Variants in FAM110D observed in about 807,000 individuals in gnomAD.
FAM110D encodes family with sequence similarity 110 member D.
For missense variants in FAM110D, 376 were observed against 395.6 expected (o/e 0.95, Z 0.42); for synonymous variants, 174 against 189.4 (o/e 0.92, Z 0.67).
In FAM110D at chr1:26,161,543, C is replaced by T; in HGVS notation, c.252C>T (p.Leu84=). 6.4e-7 allele frequency: 1 copy of T among 1,550,500 alleles called. No homozygotes were observed. Among genetic ancestry groups the T allele is most frequent in the South Asian group, 1.2e-5 (1 of 84,112 alleles). The part of the protein sequence containing the change: ...SGRRLPRPDS[L]IFYRQKRDCK... ...GGCGGCTGCCGAGGCCTGATTCCCTCATCTTCTACCGCCAGAAGCGGGACT... is the reference window on the plus strand; with the variant it reads ...GGCGGCTGCCGAGGCCTGATTCCCTTATCTTCTACCGCCAGAAGCGGGACT... The change falls in exon 2 of 2, where the codon CTC becomes CTT. Residue 84 remains leucine (L), a synonymous_variant. Transcript: ENST00000374268. This position sits in a 1 kb window ranked among gnomAD's most constrained non-coding sequence, Gnocchi z 5.4.
Position 26,161,100 on chromosome 1 carries a change from CG to C in FAM110D, c.-80-110del. 3.5e-6 allele frequency: 2 copies of C among 574,506 alleles called. No individual in the cohort carries two copies. Among genetic ancestry groups the C allele is most frequent in the Non-Finnish European group, 3.0e-6 (1 of 333,394 alleles). The allele number at this position is 574,506 out of a possible 1,614,324, so 35.6% of individuals were successfully genotyped here. A position where few individuals can be genotyped will look rare whatever the true frequency, so the allele number is the denominator to read the frequency against. ...AGCCTCTGCTCCCTGGATGTGGCAC[CG>C]GCTAACCTGGATGGGAGAGGGTGGC... On this transcript the variant is annotated intron_variant, in intron 1 of 1. Transcript: ENST00000374268. This position sits in a 1 kb window ranked among gnomAD's most constrained non-coding sequence, Gnocchi z 5.4.
At position 26,161,675 on chromosome 1, in the gene FAM110D, G is replaced by A. The variant is rs761961372; in HGVS notation, c.384G>A (p.Glu128=). The A allele has an allele frequency of 1.9e-6, 3 of 1,551,854 alleles. No individual in the cohort carries two copies. The highest frequency in any genetic ancestry group is 2.4e-5 in the South Asian group (2 of 84,168). Residue 128 remains glutamate, a synonymous_variant, in exon 2 of 2, where the codon GAG becomes GAA. Transcript: ENST00000374268. This position sits in a 1 kb window ranked among gnomAD's most constrained non-coding sequence, Gnocchi z 5.4. ...CCCCGAGCAGCCCGGCCTCCACAGAGCGACCTGCGGCTTCAGGGGGTTGGG... is the reference window on the plus strand; with the variant it reads ...CCCCGAGCAGCCCGGCCTCCACAGAACGACCTGCGGCTTCAGGGGGTTGGG... ...DAAPSSPAST[E]RPAASGGWAA...
rs2088362313 is a variant in FAM110D at position 26,161,125 on chromosome 1, G to T, written c.-80-87G>T. 1.5e-6 allele frequency: 1 copy of T among 664,912 alleles called. No homozygotes were observed. The allele number at this position is 664,912 out of a possible 1,614,324, so 41.2% of individuals were successfully genotyped here. A position where few individuals can be genotyped will look rare whatever the true frequency, so the allele number is the denominator to read the frequency against. On this transcript the variant is annotated intron_variant, in intron 1 of 1. Coordinates refer to ENST00000374268, the MANE Select transcript of FAM110D (RefSeq NM_024869.3). The surrounding 1 kb of genome is among the most constrained non-coding windows in gnomAD (Gnocchi z 5.4). ...CGGCTAACCTGGATGGGAGAGGGTGGCTGACTGATCCTATACTGAGGAATG... is the reference window on the plus strand; with the variant it reads ...CGGCTAACCTGGATGGGAGAGGGTGTCTGACTGATCCTATACTGAGGAATG...
In FAM110D at chr1:26,162,337, G is replaced by A. The variant is rs138228058; in HGVS notation, c.*230G>A. On this transcript the variant is annotated 3_prime_UTR_variant, in exon 2 of 2. Coordinates refer to ENST00000374268, the MANE Select transcript of FAM110D (RefSeq NM_024869.3). The surrounding 1 kb of genome is among the most constrained non-coding windows in gnomAD (Gnocchi z 5.3). ...GTGGAGACCCGGTCTGGGGAGTCAC[G>A]ATTGGGGTGGGAGATGAGCAAACCT... 8.2e-6 allele frequency: 3 copies of A among 366,342 alleles called. No individual in the cohort carries two copies. The highest frequency in any genetic ancestry group is 1.5e-5 in the Non-Finnish European group (3 of 196,494). The allele number at this position is 366,342 out of a possible 1,614,324, so 22.7% of individuals were successfully genotyped here.
chr1:26,160,989 G>A (rs552259783), intron 1 of FAM110D, among the ~76,000 whole-genome samples: 1 of 152,344 alleles, frequency 6.6e-6, no homozygotes, highest in South Asian at 2.1e-4. Context: ...GGCCAGATTG[G>A]GGCACCTTCA....
In FAM110D at chr1:26,162,584, A is replaced by C. The variant is rs1366832889; in HGVS notation, c.*477A>C. 1 of 167,712 alleles carries C rather than the reference A, an allele frequency of 6.0e-6. No individual in the cohort carries two copies. The highest frequency in any genetic ancestry group is 2.4e-5 in the African/African-American group (1 of 41,514). 10.4% of individuals were successfully genotyped at this position (167,712 alleles called of 1,614,324 possible). A position where few individuals can be genotyped will look rare whatever the true frequency, so the allele number is the denominator to read the frequency against. ...TTGTAATGCGCATGGCAAAGTGCCC[A>C]GCATATAGAAAGTGCTCAATAAACG... On this transcript the variant is annotated 3_prime_UTR_variant, in exon 2 of 2. Transcript: ENST00000374268. The surrounding 1 kb of genome is among the most constrained non-coding windows in gnomAD (Gnocchi z 5.3).
chr1:26,160,599 AAAC>A (rs2088356689), intron 1 of FAM110D, among the ~76,000 whole-genome samples: 1 of 152,270 alleles, frequency 6.6e-6, no homozygotes, highest in Non-Finnish European at 1.5e-5. Context: ...TGCAAAGGTT[AAAC>A]AAGGTGATGT....
intron 1 of FAM110D, among the ~76,000 whole-genome samples, chr1:26,160,082 T>C (rs1444242115): frequency 2.5e-5 from 3 of 121,430 alleles, no homozygotes; most frequent in Admixed American, 1.6e-4. Flanking sequence ...TATCAGTGAG[T>C]TCTTTTTTTT....
At position 26,161,639 on chromosome 1, in the gene FAM110D, G is replaced by T; in HGVS notation, c.348G>T (p.Pro116=). 1 of 1,551,866 alleles carries T rather than the reference G, an allele frequency of 6.4e-7. No homozygotes were observed. Among genetic ancestry groups the T allele is most frequent in the Non-Finnish European group, 8.7e-7 (1 of 1,147,952 alleles). The change falls in exon 2 of 2, where the codon CCG becomes CCT. Residue 116 remains proline, a synonymous_variant. Coordinates refer to ENST00000374268, the MANE Select transcript of FAM110D (RefSeq NM_024869.3). This position sits in a 1 kb window ranked among gnomAD's most constrained non-coding sequence, Gnocchi z 5.4. ...GLVRRLFLGA[P]RDAAPSSPAS... ...TGCGGCGCCTCTTTCTGGGTGCCCC[G>T]CGGGACGCTGCCCCGAGCAGCCCGG...
At chr1:26,160,390 G>A (rs998762030) in intron 1 of FAM110D, among the ~76,000 whole-genome samples, 2 of 152,130 alleles carry the variant, frequency 1.3e-5, no homozygotes, top group East Asian at 1.9e-4. Context: ...CATCGCGCCT[G>A]GCCTCAGTGG....
rs927578759 is a variant in FAM110D at position 26,163,254 on chromosome 1, C to T, written c.*1147C>T. On this transcript the variant is annotated 3_prime_UTR_variant, in exon 2 of 2. Transcript: ENST00000374268. ...TTCGCCTATTTTCATCACAGGTTCGCACCTCCAAGCCTGCATCCTTCATGC... is the reference window on the plus strand; with the variant it reads ...TTCGCCTATTTTCATCACAGGTTCGTACCTCCAAGCCTGCATCCTTCATGC... The T allele has an allele frequency of 1.3e-5, 2 of 152,252 alleles. No individual in the cohort carries two copies. The highest frequency in any genetic ancestry group is 4.8e-5 in the African/African-American group (2 of 41,444). The allele number at this position is 152,252 out of a possible 1,614,324, so 9.4% of individuals were successfully genotyped here.
chr1:26,163,323 C>A lies in FAM110D; in HGVS notation c.*1216C>A, dbSNP rs1433143828. 3 of 127,856 alleles carry A rather than the reference C, an allele frequency of 2.3e-5. No homozygotes were observed. Among genetic ancestry groups the A allele is most frequent in the Non-Finnish European group, 5.0e-5 (3 of 60,268 alleles). 7.9% of individuals were successfully genotyped at this position (127,856 alleles called of 1,614,324 possible). On this transcript the variant is annotated 3_prime_UTR_variant, in exon 2 of 2. Coordinates refer to ENST00000374268, the MANE Select transcript of FAM110D (RefSeq NM_024869.3). ...GGTTGCCGTTCCTTTTCTCTCTGCT[C>A]TTCCTTCTCTTTTTTTTTTTTTTTT...
intron 1 of FAM110D, among the ~76,000 whole-genome samples, chr1:26,160,702 C>T (rs1362635980): frequency 1.3e-5 from 2 of 152,232 alleles, no homozygotes; most frequent in Non-Finnish European, 2.9e-5. Context: ...CTCTCCTGCC[C>T]CGATGGCCCT....
rs143891857 is a variant in FAM110D at position 26,162,686 on chromosome 1, G to C, written c.*579G>C. On this transcript the variant is annotated 3_prime_UTR_variant, in exon 2 of 2. Coordinates refer to ENST00000374268, the MANE Select transcript of FAM110D (RefSeq NM_024869.3). The surrounding 1 kb of genome is among the most constrained non-coding windows in gnomAD (Gnocchi z 5.3). Reference sequence around the variant, plus strand: ...CTGGCCTCCAGGTCGATCCAAACTAGAGCTGGGAGCTGGGAATAATGCGCT... The same window carrying C: ...CTGGCCTCCAGGTCGATCCAAACTACAGCTGGGAGCTGGGAATAATGCGCT... 1.3e-5 allele frequency: 2 copies of C among 153,394 alleles called. No individual in the cohort carries two copies. Among genetic ancestry groups the C allele is most frequent in the African/African-American group, 2.4e-5 (1 of 41,454 alleles). 9.5% of individuals were successfully genotyped at this position (153,394 alleles called of 1,614,324 possible).
intron 1 of FAM110D, among the ~76,000 whole-genome samples, chr1:26,159,951 T>C (rs1218692286): frequency 6.6e-6 from 1 of 152,056 alleles, no homozygotes; most frequent in Non-Finnish European, 1.5e-5. Flanking sequence ...TGGGGGCAAA[T>C]TTCTGGGAGT....
In FAM110D at chr1:26,161,478, T is replaced by TCGCCCAGGA. The variant is rs773394559; in HGVS notation, c.196_204dup (p.Thr66_Arg68dup). On this transcript the variant is annotated inframe_insertion, in exon 2 of 2. Transcript: ENST00000374268. The surrounding 1 kb of genome is among the most constrained non-coding windows in gnomAD (Gnocchi z 5.4). ...CTGCAACGAGCTGGGGCCCCCTGCATCGCCCAGGACGCCCAGGCCGGTCCG... is the reference window on the plus strand; with the variant it reads ...CTGCAACGAGCTGGGGCCCCCTGCATCGCCCAGGACGCCCAGGACGCCCAGGCCGGTCCG... 8.3e-6 allele frequency: 13 copies of TCGCCCAGGA among 1,557,656 alleles called. No individual in the cohort carries two copies. In the Admixed American group the frequency reaches 1.9e-4, roughly 23 times the overall value.
chr1:26,159,651 C>A (rs1296580514), intron 1 of FAM110D, among the ~76,000 whole-genome samples: 1 of 150,752 alleles, frequency 6.6e-6, no homozygotes, highest in Non-Finnish European at 1.5e-5. Context: ...GTGGGCTGGA[C>A]CTGGCAGGGT....
In FAM110D at chr1:26,161,392, T is replaced by A; in HGVS notation, c.101T>A (p.Val34Glu). The change falls in exon 2 of 2, where the codon GTG becomes GAG. Residue 34 changes from valine to glutamate, a missense_variant. By Grantham distance (121) the Val-to-Glu change is moderately radical. Transcript: ENST00000374268. The surrounding 1 kb of genome is among the most constrained non-coding windows in gnomAD (Gnocchi z 5.4). ...GCCAAGTATGTCAAGACGCACCAGG[T>A]GATAGCTAGGCGACAGGAGCCAGCC... ...DKAKYVKTHQ[V>E]IARRQEPALR... The A allele has an allele frequency of 1.9e-6, 3 of 1,598,480 alleles. No homozygotes were observed. Among genetic ancestry groups the A allele is most frequent in the Non-Finnish European group, 1.7e-6 (2 of 1,172,946 alleles).
chr1:26,161,165 C>A lies in FAM110D; in HGVS notation c.-80-47C>A. The A allele has an allele frequency of 1.0e-6, 1 of 955,828 alleles. No individual in the cohort carries two copies. Among genetic ancestry groups the A allele is most frequent in the Non-Finnish European group, 1.5e-6 (1 of 651,076 alleles). The allele number at this position is 955,828 out of a possible 1,614,324, so 59.2% of individuals were successfully genotyped here. ...ACTGAGGAATGCCGGCAGGAGAGGACCAGGGGCATTTCCTACCCTTCCCCT... is the reference window on the plus strand; with the variant it reads ...ACTGAGGAATGCCGGCAGGAGAGGAACAGGGGCATTTCCTACCCTTCCCCT... On this transcript the variant is annotated intron_variant, in intron 1 of 1. Transcript: ENST00000374268. The surrounding 1 kb of genome is among the most constrained non-coding windows in gnomAD (Gnocchi z 5.4).
Sources: gnomAD v4.1 joint callset for allele counts (sites outside exome capture counted in the v4.1 genomes callset) on GRCh38, gnomAD v4.1.1 for gene constraint, Gnocchi (gnomAD v3.1) non-coding constraint, MANE v1.5 for transcripts, NCBI Gene and HGNC (gene_info 2026-07-23, HGNC 2026-07-21) for gene names.